The following TRPC4 variants were observed in gnomAD, a reference collection of about 807,000 sequenced individuals.
TRPC4 encodes the protein short transient receptor potential channel 4.
A neutral mutation model predicts 99.4 loss-of-function variants in TRPC4; 49 were observed. The observed-to-expected ratio is 0.49, with a 90% CI of 0.39 to 0.63. The LOEUF is 0.63. Among genes scored for constraint, TRPC4 ranks in the 20% least tolerant of loss-of-function variants. The pLI is 0.00. For missense variants in TRPC4, 898 were observed against 1,152.9 expected, an observed-to-expected ratio of 0.78 and a Z score of 3.20; for synonymous variants, 454 against 425.9, an observed-to-expected ratio of 1.07 and a Z score of -0.81.
intron 3 of TRPC4, among the ~76,000 whole-genome samples, chr13:37,718,698 C>T (rs58497433): frequency 0.028 from 4,264 of 151,742 alleles, 189 homozygotes; most frequent in African/African-American, 0.097. Context: ...GTAAGACAAG[C>T]CAAACACAAA....
intron 3 of TRPC4, among the ~76,000 whole-genome samples, chr13:37,703,929 T>A (rs1371305328): frequency 6.6e-6 from 1 of 152,162 alleles, no homozygotes; most frequent in Non-Finnish European, 1.5e-5. Context: ...TAGTAGCTTT[T>A]TTGTAATAGC....
chr13:37,696,514 G>A (rs1037188682), intron 3 of TRPC4, among the ~76,000 whole-genome samples: 2 of 152,186 alleles, frequency 1.3e-5, no homozygotes, highest in African/African-American at 2.4e-5. Context: ...AGTTCAGACT[G>A]TAGTCATTCT....
chr13:37,798,366 T>C (rs966827111), intron 1 of TRPC4, among the ~76,000 whole-genome samples: 1 of 152,134 alleles, frequency 6.6e-6, no homozygotes, highest in Non-Finnish European at 1.5e-5. Context: ...CCAAATCTAC[T>C]CTAACAGTTA....
At chr13:37,687,749 A>G (rs1566096832) in intron 4 of TRPC4, among the ~76,000 whole-genome samples, 1 of 152,252 alleles carries the variant, frequency 6.6e-6, no homozygotes, top group Non-Finnish European at 1.5e-5. Flanking sequence ...CTGATCTTCT[A>G]GCCTCGAGCT....
chr13:37,771,438 A>G (rs1203816307), intron 2 of TRPC4, among the ~76,000 whole-genome samples: 1 of 151,716 alleles, frequency 6.6e-6, no homozygotes, highest in Non-Finnish European at 1.5e-5. Context: ...AATAATAGAC[A>G]CTGTATGTGT....
chr13:37,776,473 C>T (rs1956706273), intron 2 of TRPC4, among the ~76,000 whole-genome samples: 1 of 151,736 alleles, frequency 6.6e-6, no homozygotes, highest in Non-Finnish European at 1.5e-5. Context: ...CTCTCTCTCT[C>T]TGAATTTTGA....
chr13:37,720,356 C>T (rs537625425), intron 3 of TRPC4, among the ~76,000 whole-genome samples: 39 of 152,174 alleles, frequency 2.6e-4, no homozygotes, highest in Middle Eastern at 3.4e-3. Flanking sequence ...GATCCTAGAA[C>T]GAAAGAGAAT....
At chr13:37,697,743 G>C (rs368462054) in intron 3 of TRPC4, among the ~76,000 whole-genome samples, 12 of 152,246 alleles carry the variant, frequency 7.9e-5, no homozygotes, top group African/African-American at 2.9e-4. Flanking sequence ...CTTCAAATCT[G>C]CTGAATAAAA....
chr13:37,736,423 A>G (rs915932236), intron 3 of TRPC4, among the ~76,000 whole-genome samples: 11 of 152,186 alleles, frequency 7.2e-5, no homozygotes, highest in African/African-American at 2.4e-4. Flanking sequence ...CACAATTCAC[A>G]TCGCTCAGTG....
intron 3 of TRPC4, among the ~76,000 whole-genome samples, chr13:37,716,283 G>T (rs938117494): frequency 1.6e-4 from 25 of 152,128 alleles, no homozygotes; most frequent in African/African-American, 5.5e-4. Flanking sequence ...AAATATACGG[G>T]AATTACAAGT....
At chr13:37,864,701 G>T (rs11618894) in intron 1 of TRPC4, among the ~76,000 whole-genome samples, 5,796 of 151,626 alleles carry the variant, frequency 0.038, 154 homozygotes, top group African/African-American at 0.069. Context: ...CTGCAAGACA[G>T]AATATAACAA....
At chr13:37,745,473 T>TAC (rs370854698) in intron 3 of TRPC4, among the ~76,000 whole-genome samples, 43 of 5,376 alleles carry the variant, frequency 8.0e-3, no homozygotes, top group Admixed American at 0.011. Flanking sequence ...TATATATATA[T>TAC]ACACACACAC....
intron 2 of TRPC4, among the ~76,000 whole-genome samples, chr13:37,772,634 T>C (rs533937034): frequency 6.6e-5 from 10 of 151,926 alleles, no homozygotes; most frequent in Admixed American, 4.6e-4. Flanking sequence ...GTATAGGATA[T>C]GATTATAATG....
intron 2 of TRPC4, among the ~76,000 whole-genome samples, chr13:37,755,235 A>C (rs1333432067): frequency 1.3e-5 from 2 of 151,812 alleles, no homozygotes; most frequent in Non-Finnish European, 2.9e-5. Flanking sequence ...GATTTTAAGA[A>C]TAAATGGATA....
At chr13:37,670,218 T>A (rs947550366) in intron 5 of TRPC4, among the ~76,000 whole-genome samples, 7 of 152,350 alleles carry the variant, frequency 4.6e-5, no homozygotes, top group African/African-American at 1.7e-4. Context: ...ATCTATGGTA[T>A]TCTATTGTGA....
At chr13:37,867,103 AT>A in intron 1 of TRPC4, among the ~76,000 whole-genome samples, 1 of 151,912 alleles carries the variant, frequency 6.6e-6, no homozygotes, top group Non-Finnish European at 1.5e-5. Flanking sequence ...AGTTTATTGT[AT>A]TTTCCCTTTA....
intron 1 of TRPC4, among the ~76,000 whole-genome samples, chr13:37,784,437 C>T (rs554079669): frequency 6.6e-6 from 1 of 151,950 alleles, no homozygotes; most frequent in African/African-American, 2.4e-5. Context: ...TGGTATCGTC[C>T]TAGTGATAGA....
chr13:37,707,191 T>A (rs1216291913), intron 3 of TRPC4, among the ~76,000 whole-genome samples: 1 of 152,218 alleles, frequency 6.6e-6, no homozygotes, highest in Non-Finnish European at 1.5e-5. Context: ...CCTTAGTCTC[T>A]ATCGAGTATT....
At chr13:37,844,260 C>T (rs1371560652) in intron 1 of TRPC4, among the ~76,000 whole-genome samples, 2 of 151,972 alleles carry the variant, frequency 1.3e-5, no homozygotes, top group Admixed American at 1.3e-4. Context: ...CATCACACTA[C>T]AGGAAACATG....
Sources: allele counts gnomAD v4.1 joint callset (sites outside exome capture counted in the v4.1 genomes callset), GRCh38; gene constraint gnomAD v4.1.1; transcripts MANE v1.5; gene names NCBI Gene and HGNC (gene_info 2026-07-23, HGNC 2026-07-21).